The following ERI3 variants were observed in gnomAD, a reference collection of about 807,000 sequenced individuals.
The protein encoded by ERI3 is ERI1 exoribonuclease 3.
ERI3 carries 18 observed loss-of-function variants against 44.4 expected under a neutral mutation model. The observed-to-expected ratio is 0.41, with a 90% confidence interval of 0.28 to 0.60. ERI3 has a LOEUF of 0.60. Among genes scored for constraint, ERI3 ranks in the 20% least tolerant of loss-of-function variants. The pLI is 0.36. For synonymous variants in ERI3, 183 were observed against 164.8 expected (o/e 1.11, Z -0.84); for missense variants, 294 against 435.5 (o/e 0.68, Z 2.89).
chr1:44,233,265 C>T (rs997646479), intron 8 of ERI3, among the ~76,000 whole-genome samples: 5 of 152,056 alleles, frequency 3.3e-5, no homozygotes, highest in African/African-American at 1.2e-4. Flanking sequence ...AATCCCCTGC[C>T]CTCAACATCA....
intron 7 of ERI3, among the ~76,000 whole-genome samples, chr1:44,284,509 T>C (rs143641339): frequency 2.6e-5 from 4 of 152,262 alleles, no homozygotes; most frequent in African/African-American, 7.2e-5. Context: ...ATGTCTCTCC[T>C]AGAGACAAGC....
chr1:44,242,373 A>T lies in ERI3; in HGVS notation c.931+5566T>A, dbSNP rs149462781. ...CATCTGAAGCCCAGAAGACTTCATG[A>T]ATCTCACTGATTCTGAGGCTCTCTA... On this transcript the variant is annotated intron_variant, in intron 8 of 8. Transcript: ENST00000372257. 2.6e-5 allele frequency among the ~76,000 whole-genome samples: 4 copies of T among 152,324 alleles called. No individual in the cohort carries two copies. The East Asian group carries it at 5.8e-4, about 22-fold the overall frequency.
At chr1:44,332,986 A>G (rs1462350170) in intron 3 of ERI3, among the ~76,000 whole-genome samples, 1 of 152,264 alleles carries the variant, frequency 6.6e-6, no homozygotes, top group Non-Finnish European at 1.5e-5. Context: ...AAGTAGAGAT[A>G]TAACTAGAAA....
At chr1:44,309,367 C>T (rs1206044982) in intron 5 of ERI3, among the ~76,000 whole-genome samples, 2 of 151,582 alleles carry the variant, frequency 1.3e-5, no homozygotes, top group East Asian at 2.0e-4. Flanking sequence ...TGGTGGTGCA[C>T]GCCTGTAATC....
At chr1:44,342,378 T>A (rs187989653) in intron 2 of ERI3, among the ~76,000 whole-genome samples, 1 of 152,060 alleles carries the variant, frequency 6.6e-6, no homozygotes, top group Admixed American at 6.5e-5. Context: ...ATCAAAGAAG[T>A]GCATATATTA....
At chr1:44,317,888 A>G (rs1242295372) in intron 4 of ERI3, among the ~76,000 whole-genome samples, 1 of 152,182 alleles carries the variant, frequency 6.6e-6, no homozygotes, top group Non-Finnish European at 1.5e-5. Flanking sequence ...TGGCCAAAAA[A>G]GGATGGACAA....
At chr1:44,296,181 G>C (rs1245911932) in intron 6 of ERI3, among the ~76,000 whole-genome samples, 4 of 152,204 alleles carry the variant, frequency 2.6e-5, no homozygotes, top group Admixed American at 6.5e-5. Flanking sequence ...ACAGCCATTA[G>C]TGTGTGCCTC....
intron 3 of ERI3, among the ~76,000 whole-genome samples, chr1:44,337,385 T>C (rs1646555960): frequency 6.6e-6 from 1 of 152,224 alleles, no homozygotes; most frequent in African/African-American, 2.4e-5. Flanking sequence ...GGATCCCTAA[T>C]TCCCAACATG....
chr1:44,231,096 A>C (rs1414536504), intron 8 of ERI3, among the ~76,000 whole-genome samples: 10 of 152,246 alleles, frequency 6.6e-5, no homozygotes, highest in Admixed American at 6.5e-4. Flanking sequence ...TTATGCACAT[A>C]CCCTGAAGGT....
chr1:44,299,208 G>A (rs1645673613), intron 6 of ERI3, among the ~76,000 whole-genome samples: 1 of 151,634 alleles, frequency 6.6e-6, no homozygotes, highest in African/African-American at 2.4e-5. Context: ...TAAGAGACAG[G>A]ATCTTACTCT....
At chr1:44,258,270 G>A (rs1644819363) in intron 7 of ERI3, among the ~76,000 whole-genome samples, 1 of 152,110 alleles carries the variant, frequency 6.6e-6, no homozygotes. Context: ...CAGCACTTAG[G>A]CAAAGCACTT....
intron 7 of ERI3, among the ~76,000 whole-genome samples, chr1:44,260,726 A>G (rs902017422): frequency 6.6e-6 from 1 of 150,798 alleles, no homozygotes; most frequent in Non-Finnish European, 1.5e-5. Flanking sequence ...GATCTGAGGT[A>G]CTTCATTCAA....
chr1:44,266,781 T>C (rs980749912), intron 7 of ERI3, among the ~76,000 whole-genome samples: 3 of 152,360 alleles, frequency 2.0e-5, no homozygotes, highest in Non-Finnish European at 4.4e-5. Flanking sequence ...TCTGGTTATA[T>C]AGTGTGAGCT....
intron 7 of ERI3, 133 bp downstream of exon 7, chr1:44,284,702 G>A (rs1645355704): frequency 1.4e-6 from 1 of 694,600 alleles, no homozygotes; most frequent in Admixed American, 2.6e-5. Context: ...CTAAGGAAAA[G>A]GATGAAGTTA....
Position 44,258,057 on chromosome 1 carries a change from C to T in ERI3, c.832-10019G>A, listed in dbSNP as rs953040301. Among the ~76,000 whole-genome samples the T allele has an allele frequency of 6.6e-5, 10 of 152,290 alleles. No individual in the cohort carries two copies. The South Asian group carries it at 1.0e-3, about 16-fold the overall frequency. ...CCTTCCTGATACTGAGCTGTTAGGG[C>T]TAATCCCCTCAGGGGTGTCAGAACC... is the stretch of plus-strand genomic sequence containing the variant. On this transcript the variant is annotated intron_variant, in intron 7 of 8. Coordinates refer to ENST00000372257, the MANE Select transcript of ERI3 (RefSeq NM_024066.3).
At chr1:44,233,340 C>T (rs1644229432) in intron 8 of ERI3, among the ~76,000 whole-genome samples, 1 of 152,080 alleles carries the variant, frequency 6.6e-6, no homozygotes, top group South Asian at 2.1e-4. Context: ...ACAGAAGCCA[C>T]TCTCCTGAGT....
At chr1:44,296,142 C>T (rs1645606821) in intron 6 of ERI3, among the ~76,000 whole-genome samples, 1 of 152,170 alleles carries the variant, frequency 6.6e-6, no homozygotes, top group South Asian at 2.1e-4. Flanking sequence ...CACCCCCCTC[C>T]ACCGTGCCTC....
intron 3 of ERI3, among the ~76,000 whole-genome samples, chr1:44,334,624 T>C (rs1646497032): frequency 6.6e-6 from 1 of 152,234 alleles, no homozygotes; most frequent in Non-Finnish European, 1.5e-5. Flanking sequence ...ATACCTATCA[T>C]GTTAATCTGA....
intron 7 of ERI3, among the ~76,000 whole-genome samples, chr1:44,254,122 C>T (rs942245302): frequency 6.6e-6 from 1 of 152,204 alleles, no homozygotes; most frequent in Non-Finnish European, 1.5e-5. Context: ...TCTGGGACTT[C>T]ATTCCAAATC....
Sources: gnomAD v4.1 joint callset for allele counts (sites outside exome capture counted in the v4.1 genomes callset) on GRCh38, gnomAD v4.1.1 for gene constraint, MANE v1.5 for transcripts, NCBI Gene and HGNC (gene_info 2026-07-23, HGNC 2026-07-21) for gene names.